The following WWC2 variants were observed in gnomAD, a reference collection of about 807,000 sequenced individuals.
WWC2 encodes the protein protein WWC2.
A neutral mutation model predicts 138.5 loss-of-function variants in WWC2; 101 were observed. That is an observed-to-expected ratio of 0.73 (90% CI 0.62 to 0.86). WWC2 has a LOEUF of 0.86. Among genes scored for constraint, WWC2 ranks in the 40% least tolerant of loss-of-function variants. The probability of loss-of-function intolerance (pLI) is 0.00; values close to 1 mark genes in which losing one functional copy is unlikely to be tolerated. For synonymous variants in WWC2, 558 were observed against 538.4 expected, an observed-to-expected ratio of 1.04 and a Z score of -0.50; for missense variants, 1,420 against 1,419.4, an observed-to-expected ratio of 1.00 and a Z score of -0.01.
chr4:183,204,333 T>G (rs1031675682), intron 2 of WWC2, among the ~76,000 whole-genome samples: 5 of 152,222 alleles, frequency 3.3e-5, no homozygotes, highest in Non-Finnish European at 7.3e-5. Flanking sequence ...ACCAACAGTG[T>G]CTGCTACAAA....
At chr4:183,181,771 A>G (rs1447099675) in intron 1 of WWC2, among the ~76,000 whole-genome samples, 2 of 152,214 alleles carry the variant, frequency 1.3e-5, no homozygotes, top group Non-Finnish European at 2.9e-5. Flanking sequence ...TAACCCCTGC[A>G]TTGTTCAGAA....
intron 1 of WWC2, among the ~76,000 whole-genome samples, chr4:183,117,215 CT>C (rs923478529): frequency 6.2e-3 from 589 of 95,666 alleles, no homozygotes; most frequent in African/African-American, 0.018. Context: ...CATTCTTCTT[CT>C]TTTTTTTTTT....
At chr4:183,296,886 ATCGC>A (rs1738646202) in intron 21 of WWC2, among the ~76,000 whole-genome samples, 2 of 133,666 alleles carry the variant, frequency 1.5e-5, no homozygotes, top group South Asian at 5.1e-4. Context: ...GTGAGCCGAG[ATCGC>A]ACCACTGCAC....
intron 6 of WWC2, among the ~76,000 whole-genome samples, chr4:183,247,291 T>TA (rs1201545685): frequency 1.3e-5 from 2 of 151,864 alleles, no homozygotes; most frequent in Admixed American, 6.6e-5. Context: ...CTATTTCATT[T>TA]AAAAAAATAC....
At chr4:183,160,289 A>G (rs1038978608) in intron 1 of WWC2, among the ~76,000 whole-genome samples, 3 of 152,238 alleles carry the variant, frequency 2.0e-5, no homozygotes, top group Non-Finnish European at 2.9e-5. Context: ...AACTCACGTA[A>G]CATTTTGTAA....
At chr4:183,312,007 A>C (rs1335468347) in intron 21 of WWC2, among the ~76,000 whole-genome samples, 1 of 152,234 alleles carries the variant, frequency 6.6e-6, no homozygotes, top group Non-Finnish European at 1.5e-5. Flanking sequence ...CTTTAACTGT[A>C]GATATTTTTT....
intron 5 of WWC2, among the ~76,000 whole-genome samples, chr4:183,244,557 G>A: frequency 6.6e-6 from 1 of 150,600 alleles, no homozygotes; most frequent in East Asian, 1.9e-4. Context: ...TTTCATAAAA[G>A]CAGAATAAAT....
intron 4 of WWC2, among the ~76,000 whole-genome samples, chr4:183,220,077 A>G (rs563234398): frequency 3.3e-5 from 5 of 152,292 alleles, no homozygotes; most frequent in African/African-American, 9.6e-5. Context: ...AGAGGCCAAC[A>G]TGGGAAGAAA....
intron 1 of WWC2, among the ~76,000 whole-genome samples, chr4:183,182,274 A>G (rs1032993307): frequency 2.0e-5 from 3 of 152,164 alleles, no homozygotes; most frequent in African/African-American, 4.8e-5. Flanking sequence ...CTGGAGCTCA[A>G]TTCTCCAGAC....
At chr4:183,154,971 C>T (rs374928740) in intron 1 of WWC2, among the ~76,000 whole-genome samples, 25 of 152,268 alleles carry the variant, frequency 1.6e-4, no homozygotes, top group African/African-American at 5.3e-4. Flanking sequence ...GCCTTGCTCT[C>T]GCAGCTGCTC....
intron 9 of WWC2, among the ~76,000 whole-genome samples, chr4:183,257,957 AG>A (rs1388155485): frequency 6.6e-6 from 1 of 152,194 alleles, no homozygotes; most frequent in Non-Finnish European, 1.5e-5. Context: ...CAGACATTAA[AG>A]GGCTGGAAGA....
Position 183,319,247 on chromosome 4 carries a change from A to C in WWC2, c.*3518A>C, listed in dbSNP as rs1369544650. On this transcript the variant is annotated 3_prime_UTR_variant, in exon 23 of 23. Coordinates refer to ENST00000403733, the MANE Select transcript of WWC2 (RefSeq NM_024949.6). ...TTGCCAAATGATTCCGCTCCATATG[A>C]ATAATACCTTCAAAGATACATAGAG... The C allele has an allele frequency of 1.2e-5, 3 of 250,790 alleles. No homozygotes were observed. Among genetic ancestry groups the C allele is most frequent in the African/African-American group, 4.5e-5 (2 of 44,822 alleles). 15.5% of individuals were successfully genotyped at this position (250,790 alleles called of 1,614,324 possible).
chr4:183,289,006 A>G (rs977376074), intron 20 of WWC2, among the ~76,000 whole-genome samples: 4 of 152,236 alleles, frequency 2.6e-5, no homozygotes, highest in African/African-American at 9.6e-5. Context: ...TATGGTAACA[A>G]CTTTAAAAAT....
chr4:183,099,501 A>G lies in WWC2; in HGVS notation c.10A>G (p.Arg4Gly). 7.4e-7 allele frequency: 1 copy of G among 1,359,868 alleles called. No individual in the cohort carries two copies. Among genetic ancestry groups the G allele is most frequent in the Non-Finnish European group, 9.6e-7 (1 of 1,040,820 alleles). The allele number at this position is 1,359,868 out of a possible 1,614,324, so 84.2% of individuals were successfully genotyped here. The change falls in exon 1 of 23, where the codon AGG becomes GGG. Residue 4 changes from arginine to glycine, a missense_variant. Coordinates refer to ENST00000403733, the MANE Select transcript of WWC2 (RefSeq NM_024949.6). ...GGCGAGGCCGCCGACCATGCCTAGG[A>G]GGGCCGGGAGCGGTCAGCTGCCGCT... MPR[R>G]AGSGQLPLPR...
At chr4:183,153,021 C>G (rs1733689511) in intron 1 of WWC2, among the ~76,000 whole-genome samples, 1 of 152,076 alleles carries the variant, frequency 6.6e-6, no homozygotes, top group African/African-American at 2.4e-5. Flanking sequence ...TCAGCCTCCG[C>G]AGTAGCTGGG....
intron 4 of WWC2, 121 bp from the exon 5 acceptor site, chr4:183,240,062 T>C: frequency 1.5e-6 from 1 of 657,784 alleles, no homozygotes; most frequent in Non-Finnish European, 2.5e-6. Context: ...ATAAAGTAAA[T>C]GTTACTTTAA....
chr4:183,300,070 G>C (rs1560894128), intron 21 of WWC2, among the ~76,000 whole-genome samples: 1 of 152,268 alleles, frequency 6.6e-6, no homozygotes, highest in East Asian at 1.9e-4. Flanking sequence ...AAGAAGCTGA[G>C]GACTGTAAAT....
intron 16 of WWC2, among the ~76,000 whole-genome samples, chr4:183,277,053 A>G (rs1323825719): frequency 2.0e-5 from 3 of 151,316 alleles, no homozygotes; most frequent in Admixed American, 6.6e-5. Flanking sequence ...ATATGTATAC[A>G]TGTGCCATGC....
intron 19 of WWC2, 95 bp downstream of exon 19, chr4:183,284,485 G>A: frequency 7.3e-7 from 1 of 1,367,124 alleles, no homozygotes; most frequent in Admixed American, 2.1e-5. Context: ...TGTGCACTGG[G>A]AGTCCACATG....
Sources: gnomAD v4.1 joint callset for allele counts (sites outside exome capture counted in the v4.1 genomes callset) on GRCh38, gnomAD v4.1.1 for gene constraint, MANE v1.5 for transcripts, NCBI Gene and HGNC (gene_info 2026-07-23, HGNC 2026-07-21) for gene names.